BMP7: variants seen among roughly 807,000 people sequenced by gnomAD.
BMP7 encodes osteogenic protein 1.
Under a neutral mutation model 41.2 loss-of-function variants are expected in BMP7, and 12 were observed. The observed-to-expected ratio is 0.29, with a 90% CI of 0.19 to 0.47. BMP7 has a LOEUF of 0.47. Among genes scored for constraint, BMP7 ranks in the 20% least tolerant of loss-of-function variants. The probability of loss-of-function intolerance (pLI) is 0.99; values close to 1 mark genes in which losing one functional copy is unlikely to be tolerated. For missense variants in BMP7, 467 were observed against 606.0 expected (o/e 0.77, Z 2.41); for synonymous variants, 248 against 250.0 (o/e 0.99, Z 0.07).
rs760406190 is a variant in BMP7 at position 57,228,274 on chromosome 20, G to A, written c.566C>T (p.Thr189Met). The part of the protein sequence containing the change: ...DYIRERFDNE[T>M]FRISVYQVLQ... ...CACCTGATAAACGCTGATCCGGAACGTCTCATTGTCGAAGCGTTCCCGGAT... is the reference window on the plus strand; with the variant it reads ...CACCTGATAAACGCTGATCCGGAACATCTCATTGTCGAAGCGTTCCCGGAT... Residue 189 changes from threonine to methionine, a missense_variant, in exon 2 of 7, where the codon ACG becomes ATG. Around this residue, in one of 2 missense-constraint regions of BMP7, gnomAD observed 407 missense variants for 485.9 expected, o/e 0.84. Transcript: ENST00000395863. This position sits in a 1 kb window ranked among gnomAD's most constrained non-coding sequence, Gnocchi z 4.5. 1.1e-5 allele frequency: 17 copies of A among 1,613,948 alleles called. No individual in the cohort carries two copies. Among genetic ancestry groups the A allele is most frequent in the South Asian group, 2.2e-5 (2 of 91,070 alleles).
chr20:57,221,485 A>G (rs1985188645), intron 2 of BMP7, among the ~76,000 whole-genome samples: 1 of 152,106 alleles, frequency 6.6e-6, no homozygotes, highest in Non-Finnish European at 1.5e-5. Context: ...TTAATCCCCA[A>G]CCCAGTATTG....
chr20:57,175,126 G>A (rs1983894347), intron 4 of BMP7, 119 bp from the exon 5 acceptor site: 1 of 1,112,814 alleles, frequency 9.0e-7, no homozygotes. Flanking sequence ...GACGGCTGGG[G>A]GGTAAATTTC....
intron 4 of BMP7, 143 bp downstream of exon 4, chr20:57,183,579 T>A: frequency 9.5e-7 from 1 of 1,048,064 alleles, no homozygotes; most frequent in East Asian, 2.5e-5. Flanking sequence ...AGGGGTGGAT[T>A]TGGGGGTTTT....
At chr20:57,191,806 GTA>G (rs1013079292) in intron 3 of BMP7, among the ~76,000 whole-genome samples, 15 of 138,636 alleles carry the variant, frequency 1.1e-4, no homozygotes, top group East Asian at 2.1e-4. Flanking sequence ...TTATATTATA[GTA>G]TATATATGTT....
chr20:57,181,666 G>A (rs1169084423), intron 4 of BMP7, among the ~76,000 whole-genome samples: 2 of 152,200 alleles, frequency 1.3e-5, no homozygotes, highest in African/African-American at 4.8e-5. Flanking sequence ...GCAGGTAAAT[G>A]CAACTGGGGG....
At chr20:57,265,579 G>C in intron 1 of BMP7, 126 bp downstream of exon 1, 1 of 1,429,632 alleles carries the variant, frequency 7.0e-7, no homozygotes, top group Non-Finnish European at 9.6e-7. Context: ...GAGACCCTCG[G>C]GCAGGCACTG....
chr20:57,218,759 G>A (rs1221324357), intron 2 of BMP7, among the ~76,000 whole-genome samples: 1 of 149,986 alleles, frequency 6.7e-6, no homozygotes, highest in African/African-American at 2.5e-5. Context: ...TTGTTCGGTG[G>A]TAGCTGGTGT....
intron 2 of BMP7, among the ~76,000 whole-genome samples, chr20:57,217,027 C>T (rs936083569): frequency 6.6e-6 from 1 of 152,136 alleles, no homozygotes; most frequent in Admixed American, 6.5e-5. Flanking sequence ...CCTACTGCAC[C>T]GTGAGCCCCC....
At chr20:57,206,533 A>G (rs1025713378) in intron 2 of BMP7, among the ~76,000 whole-genome samples, 3 of 152,180 alleles carry the variant, frequency 2.0e-5, no homozygotes, top group Non-Finnish European at 2.9e-5. Flanking sequence ...ACATAGGAAG[A>G]TGTCAAATCC....
Position 57,170,645 on chromosome 20 carries a change from G to A in BMP7, c.*314C>T. The A allele has an allele frequency of 2.7e-6, 1 of 373,182 alleles. No homozygotes were observed. The highest frequency in any genetic ancestry group is 5.2e-6 in the Non-Finnish European group (1 of 193,820). 23.1% of individuals were successfully genotyped at this position (373,182 alleles called of 1,614,324 possible). ...CTGGTAGGCGCTCATAATTACCTCTGGAAACGAGTCCGTGCATGGCTGAGA... is the reference window on the plus strand; with the variant it reads ...CTGGTAGGCGCTCATAATTACCTCTAGAAACGAGTCCGTGCATGGCTGAGA... On this transcript the variant is annotated 3_prime_UTR_variant, in exon 7 of 7. Transcript: ENST00000395863.
intron 1 of BMP7, among the ~76,000 whole-genome samples, chr20:57,255,748 G>A (rs1164565915): frequency 3.7e-5 from 5 of 134,108 alleles, no homozygotes; most frequent in African/African-American, 2.9e-5. Flanking sequence ...TGCAGTGAGT[G>A]GAGATCATGC....
chr20:57,239,777 C>T (rs1433121515), intron 1 of BMP7, among the ~76,000 whole-genome samples: 1 of 152,234 alleles, frequency 6.6e-6, no homozygotes, highest in African/African-American at 2.4e-5. Flanking sequence ...ATGGAAGCTG[C>T]CAAGGCTTGG....
intron 1 of BMP7, among the ~76,000 whole-genome samples, chr20:57,258,279 T>C (rs2066141523): frequency 6.6e-6 from 1 of 152,250 alleles, no homozygotes; most frequent in African/African-American, 2.4e-5. Context: ...GAAGCCATTC[T>C]CTTTCGTCCT....
intron 5 of BMP7, chr20:57,173,580 G>A: frequency 1.8e-6 from 1 of 566,562 alleles, no homozygotes; most frequent in Non-Finnish European, 3.2e-6. Context: ...CAAAGCTGCG[G>A]TGAGCTATGA....
chr20:57,194,273 G>A (rs1406891293), intron 3 of BMP7, among the ~76,000 whole-genome samples: 2 of 152,112 alleles, frequency 1.3e-5, no homozygotes, highest in Non-Finnish European at 1.5e-5. Context: ...AAAAAGCCTC[G>A]AGTCTGTTGA....
intron 4 of BMP7, among the ~76,000 whole-genome samples, chr20:57,175,222 G>GC (rs1322627811): frequency 6.6e-6 from 1 of 152,180 alleles, no homozygotes; most frequent in Non-Finnish European, 1.5e-5. Context: ...AGGTGCCAAT[G>GC]CCCCATTCCT....
intron 3 of BMP7, among the ~76,000 whole-genome samples, chr20:57,193,225 C>T (rs189288711): frequency 2.0e-4 from 31 of 152,346 alleles, no homozygotes; most frequent in Admixed American, 9.8e-4. Context: ...AGCAGCTCCA[C>T]GCCACAAAGA....
chr20:57,222,294 T>TA (rs58250943), intron 2 of BMP7, among the ~76,000 whole-genome samples: 5,145 of 151,770 alleles, frequency 0.034, 102 homozygotes, highest in Non-Finnish European at 0.041. Flanking sequence ...GGGACAGAGA[T>TA]AAAAAAAAGC....
At chr20:57,221,811 CAAAAAA>C (rs57893562) in intron 2 of BMP7, among the ~76,000 whole-genome samples, 9 of 127,630 alleles carry the variant, frequency 7.1e-5, no homozygotes, top group East Asian at 2.8e-4. Context: ...CCCTATCTCT[CAAAAAA>C]AAAAAAAAAA....
Sources: allele counts gnomAD v4.1 joint callset (sites outside exome capture counted in the v4.1 genomes callset), GRCh38; gene constraint gnomAD v4.1.1; regional missense constraint gnomAD v4.1.1; non-coding constraint Gnocchi (gnomAD v3.1); transcripts MANE v1.5; gene names NCBI Gene and HGNC (gene_info 2026-07-23, HGNC 2026-07-21).